The following SFRP1 variants were observed in gnomAD, a reference collection of about 807,000 sequenced individuals.
SFRP1 encodes the protein secreted frizzled-related protein 1.
Under a neutral mutation model 25.9 loss-of-function variants are expected in SFRP1, and 9 were observed. The observed-to-expected ratio is 0.35, with a 90% CI of 0.21 to 0.61. The LOEUF is 0.61. Among genes scored for constraint, SFRP1 ranks in the 20% least tolerant of loss-of-function variants. The pLI, the probability that SFRP1 is intolerant of heterozygous loss-of-function variation, is 0.78. For missense variants in SFRP1, 346 were observed against 418.2 expected (o/e 0.83, Z 1.51); for synonymous variants, 178 against 174.0 (o/e 1.02, Z -0.18).
At chr8:41,289,699 G>C (rs1191408787) in intron 2 of SFRP1, among the ~76,000 whole-genome samples, 1 of 152,222 alleles carries the variant, frequency 6.6e-6, no homozygotes, top group Admixed American at 6.5e-5. Flanking sequence ...TGGACTTGCT[G>C]CAAACACTGA....
intron 2 of SFRP1, chr8:41,275,053 T>C (rs913187671): frequency 1.7e-5 from 5 of 300,196 alleles, no homozygotes; most frequent in Middle Eastern, 7.2e-4. Context: ...TCCACTGATT[T>C]AGTCAATCCC....
At chr8:41,293,620 C>T (rs1472797928) in intron 2 of SFRP1, among the ~76,000 whole-genome samples, 1 of 151,898 alleles carries the variant, frequency 6.6e-6, no homozygotes, top group Non-Finnish European at 1.5e-5. Flanking sequence ...TTCTCCAGGC[C>T]CCACCGAAGA....
intron 2 of SFRP1, among the ~76,000 whole-genome samples, chr8:41,296,493 A>G (rs1240701107): frequency 2.1e-5 from 3 of 145,974 alleles, no homozygotes; most frequent in Non-Finnish European, 4.5e-5. Flanking sequence ...TTCTTTGGCC[A>G]TTTGTTCTTC....
intron 2 of SFRP1, among the ~76,000 whole-genome samples, chr8:41,272,625 T>C (rs975523021): frequency 3.9e-5 from 6 of 152,156 alleles, no homozygotes; most frequent in Non-Finnish European, 8.8e-5. Context: ...TTTTCAAGAA[T>C]ATTTTTTAAA....
chr8:41,288,371 T>TAAAAAAAAAAAA (rs1803733470), intron 2 of SFRP1, among the ~76,000 whole-genome samples: 5 of 150,060 alleles, frequency 3.3e-5, no homozygotes. Context: ...TAAAATGAAA[T>TAAAAAAAAAAAA]AAAAATAAAA....
Position 41,307,567 on chromosome 8 carries a change from G to A in SFRP1, c.544+1049C>T, listed in dbSNP as rs371894204. On this transcript the variant is annotated intron_variant, in intron 1 of 2. Coordinates refer to ENST00000220772, the MANE Select transcript of SFRP1 (RefSeq NM_003012.5). Reference sequence around the variant, plus strand: ...CAGGAAGCCTGCGTCTGTGCTAAGCGCAGCTGGGGTACAGCTCCCCAATCC... The same window carrying A: ...CAGGAAGCCTGCGTCTGTGCTAAGCACAGCTGGGGTACAGCTCCCCAATCC... Among the ~76,000 whole-genome samples the A allele has an allele frequency of 1.5e-4, 23 of 152,304 alleles. No individual in the cohort carries two copies. The East Asian group carries it at 1.7e-3, about 11-fold the overall frequency.
chr8:41,295,462 G>A (rs981931132), intron 2 of SFRP1, among the ~76,000 whole-genome samples: 6 of 151,588 alleles, frequency 4.0e-5, no homozygotes, highest in African/African-American at 1.2e-4. Flanking sequence ...CCAGTAGGCA[G>A]AGGTTGCAAT....
At chr8:41,296,181 C>T (rs1013020706) in intron 2 of SFRP1, among the ~76,000 whole-genome samples, 1 of 152,246 alleles carries the variant, frequency 6.6e-6, no homozygotes, top group African/African-American at 2.4e-5. Context: ...AGACCCCATA[C>T]ACAGCAAAGC....
rs1185285272 is a variant in SFRP1 at position 41,262,582 on chromosome 8, A to G, written c.*2585T>C. ...AGATAACTACAAATATTCTTCAAAG[A>G]TTTAACTGAGTTCTGCCAAGGACCT... On this transcript the variant is annotated 3_prime_UTR_variant, in exon 3 of 3. Transcript: ENST00000220772. The G allele has an allele frequency of 6.6e-6, 1 of 152,178 alleles. No individual in the cohort carries two copies. Among genetic ancestry groups the G allele is most frequent in the Non-Finnish European group, 1.5e-5 (1 of 68,032 alleles). The allele number at this position is 152,178 out of a possible 1,614,324, so 9.4% of individuals were successfully genotyped here.
rs148373821 is a variant in SFRP1, at chr8:41,309,025, C to T, written c.135G>A (p.Pro45=). 91 of 1,610,130 alleles carry T rather than the reference C, an allele frequency of 5.7e-5. 1 individual carries two copies. In the African/African-American group the frequency reaches 1.0e-3, roughly 18 times the overall value. The change falls in exon 1 of 3, where the codon CCG becomes CCA. Residue 45 remains proline, a synonymous_variant. Coordinates refer to ENST00000220772, the MANE Select transcript of SFRP1 (RefSeq NM_003012.5). ...DYVSFQSDIG[P]YQSGRFYTKP... is the part of the protein sequence containing the mutation. ...TGGTGTAGAAGCGCCCGCTCTGGTA[C>T]GGGCCGATGTCCGACTGGAAGCTCA... is the stretch of plus-strand genomic sequence containing the variant.
chr8:41,265,368 C>T lies in SFRP1; in HGVS notation c.744G>A (p.Leu248=), dbSNP rs1803422355. 1.9e-6 allele frequency: 3 copies of T among 1,614,030 alleles called. No homozygotes were observed. The highest frequency in any genetic ancestry group is 1.3e-5 in the African/African-American group (1 of 75,036). ...GACAGTCAGCCCCATTCTTCAGGTA[C>T]AGCACAAGCTTCTTCAGGTCCTTCT... ...IKKKDLKKLV[L]YLKNGADCPC... The change falls in exon 3 of 3, where the codon CTG becomes CTA. Residue 248 remains leucine, a synonymous_variant. Transcript: ENST00000220772.
chr8:41,302,555 G>A (rs532506672), intron 2 of SFRP1, among the ~76,000 whole-genome samples: 3 of 152,318 alleles, frequency 2.0e-5, no homozygotes, highest in East Asian at 1.9e-4. Flanking sequence ...TGAGAAACAC[G>A]TTGTTCAGCA....
intron 1 of SFRP1, among the ~76,000 whole-genome samples, chr8:41,305,727 G>A (rs1026995163): frequency 1.3e-5 from 2 of 152,202 alleles, no homozygotes; most frequent in Non-Finnish European, 2.9e-5. Flanking sequence ...AGGGTGTGTG[G>A]AGGAGACAGC....
rs76579370 is a variant in SFRP1, at chr8:41,274,858, A to G, written c.623-9369T>C. 2.4e-4 allele frequency among the ~76,000 whole-genome samples: 37 copies of G among 152,352 alleles called. No individual in the cohort carries two copies. The East Asian group carries it at 7.1e-3, about 29-fold the overall frequency. The stretch of plus-strand genomic sequence containing the variant: ...GTATATAAAATATAAATGAACCACA[A>G]AATGTCAGATCATGAAGGAAATACA... On this transcript the variant is annotated intron_variant, in intron 2 of 2. Transcript: ENST00000220772.
intron 1 of SFRP1, among the ~76,000 whole-genome samples, chr8:41,307,372 T>C (rs1804011347): frequency 6.6e-6 from 1 of 152,172 alleles, no homozygotes; most frequent in Non-Finnish European, 1.5e-5. Context: ...CAAAAGCATC[T>C]AAAATTTGGG....
chr8:41,285,515 T>A (rs373491503), intron 2 of SFRP1, among the ~76,000 whole-genome samples: 18 of 151,772 alleles, frequency 1.2e-4, no homozygotes, highest in African/African-American at 4.4e-4. Context: ...GCGGAAGAAG[T>A]GCAGCCCCAG....
rs1804041299 is a variant in SFRP1 at position 41,309,281 on chromosome 8, G to A, written c.-122C>T. On this transcript the variant is annotated 5_prime_UTR_variant, in exon 1 of 3. Coordinates refer to ENST00000220772, the MANE Select transcript of SFRP1 (RefSeq NM_003012.5). ...AAGGCGCAGTCCCCAGCGTTGCCCG[G>A]CTCCGCGGCCGCAAGCTGCTGCCCG... 1.8e-6 allele frequency: 2 copies of A among 1,137,808 alleles called. No individual in the cohort carries two copies. The highest frequency in any genetic ancestry group is 3.5e-5 in the East Asian group (1 of 28,358). 70.5% of individuals were successfully genotyped at this position (1,137,808 alleles called of 1,614,324 possible). A position where few individuals can be genotyped will look rare whatever the true frequency, so the allele number is the denominator to read the frequency against.
At chr8:41,270,541 C>G (rs938576254) in intron 2 of SFRP1, among the ~76,000 whole-genome samples, 1 of 152,054 alleles carries the variant, frequency 6.6e-6, no homozygotes, top group Non-Finnish European at 1.5e-5. Context: ...TTGGGGCCCC[C>G]GGACACTCCT....
chr8:41,295,957 C>A (rs567325009), intron 2 of SFRP1, among the ~76,000 whole-genome samples: 25 of 152,298 alleles, frequency 1.6e-4, no homozygotes, highest in African/African-American at 5.5e-4. Flanking sequence ...TTGTGGGATG[C>A]GGAGGGCAAC....
Sources: allele counts gnomAD v4.1 joint callset (sites outside exome capture counted in the v4.1 genomes callset), GRCh38; gene constraint gnomAD v4.1.1; transcripts MANE v1.5; gene names NCBI Gene and HGNC (gene_info 2026-07-23, HGNC 2026-07-21).